Variants in NMBR observed in about 807,000 individuals in gnomAD.
NMBR encodes neuromedin-B receptor.
Under a neutral mutation model 20.5 loss-of-function variants are expected in NMBR, and 16 were observed. The observed-to-expected ratio is 0.78, with a 90% CI of 0.53 to 1.19. NMBR has a LOEUF of 1.19. NMBR is among the 50% of genes most tolerant of loss of function. The probability of loss-of-function intolerance (pLI) is 0.00; values close to 1 mark genes in which losing one functional copy is unlikely to be tolerated. For missense variants in NMBR, 582 were observed against 499.1 expected, an observed-to-expected ratio of 1.17 and a Z score of -1.58; for synonymous variants, 212 against 196.6, an observed-to-expected ratio of 1.08 and a Z score of -0.65.
intron 1 of NMBR, among the ~76,000 whole-genome samples, chr6:142,098,947 GA>G: frequency 6.6e-6 from 1 of 152,236 alleles, no homozygotes; most frequent in Non-Finnish European, 1.5e-5. Context: ...GGATATTAAT[GA>G]AAGAATAGAC....
chr6:142,082,453 A>G (rs1449595215), intron 2 of NMBR, among the ~76,000 whole-genome samples: 1 of 152,206 alleles, frequency 6.6e-6, no homozygotes, highest in Admixed American at 6.5e-5. Flanking sequence ...GTCTAATCTA[A>G]TGATGCCTAA....
In NMBR at chr6:142,088,334, A is replaced by T. The variant is rs147300407; in HGVS notation, c.325T>A (p.Trp109Arg). ...TTGCAGCCCACCTTGCCAAACATCC[A>T]CTCGTCGAAGAAGTAGCGCGAGGCG... The part of the protein sequence containing the change: ...VDASRYFFDE[W>R]MFGKVGCKLI... The change falls in exon 2 of 4, where the codon TGG (tryptophan) becomes AGG (arginine). Residue 109 changes from tryptophan (W) to arginine (R), a missense_variant. Transcript: ENST00000258042. The T allele has an allele frequency of 9.0e-5, 146 of 1,614,112 alleles. No homozygotes were observed. In the African/African-American group the frequency reaches 1.7e-3, roughly 19 times the overall value.
chr6:142,075,674 T>C lies in NMBR; in HGVS notation c.1147A>G (p.Ser383Gly). ...VTNSVLLNGH[S>G]MKQEMAL The stretch of plus-strand genomic sequence containing the variant: ...CACAGTGCCATTTCCTGCTTCATGC[T>C]GTGCCCATTTAGTAAAACAGAATTG... Residue 383 changes from serine to glycine, a missense_variant, in exon 4 of 4, where the codon AGC (serine) becomes GGC (glycine). By Grantham distance (56) the Ser-to-Gly change is moderately conservative (BLOSUM62 0). Coordinates refer to ENST00000258042, the MANE Select transcript of NMBR (RefSeq NM_002511.4). 2 of 1,612,744 alleles carry C rather than the reference T, an allele frequency of 1.2e-6. No homozygotes were observed. Among genetic ancestry groups the C allele is most frequent in the African/African-American group, 1.3e-5 (1 of 75,032 alleles).
chr6:142,109,557 G>A (rs1285860881), intron 1 of NMBR, among the ~76,000 whole-genome samples: 7 of 138,138 alleles, frequency 5.1e-5, no homozygotes, highest in Admixed American at 8.0e-5. Context: ...TCTGCTCACT[G>A]CAACCTCTGC....
At chr6:142,133,394 T>C (rs563908967) in intron 1 of NMBR, among the ~76,000 whole-genome samples, 17 of 152,296 alleles carry the variant, frequency 1.1e-4, no homozygotes, top group African/African-American at 4.1e-4. Context: ...GTTGGTGTTT[T>C]AGTGTGGCTC....
chr6:142,138,761 G>GC (rs1562249238), intron 1 of NMBR, among the ~76,000 whole-genome samples: 1 of 152,074 alleles, frequency 6.6e-6, no homozygotes. Flanking sequence ...CTGCAACTTT[G>GC]CAAGGCTGGT....
intron 1 of NMBR, among the ~76,000 whole-genome samples, chr6:142,096,248 G>A (rs1245122855): frequency 1.3e-5 from 2 of 152,032 alleles, no homozygotes; most frequent in African/African-American, 4.8e-5. Context: ...TGATGTTAGG[G>A]TGTCAATTTT....
chr6:142,079,126 G>GAAAAAGAAAGAAAGAAAGAAAGA (rs11451074), intron 2 of NMBR, among the ~76,000 whole-genome samples: 2 of 103,326 alleles, frequency 1.9e-5, no homozygotes, highest in African/African-American at 9.0e-5. Context: ...AAGAAAGAAA[G>GAAAAAGAAAGAAAGAAAGAAAGA]AAGAAAGAAA....
intron 1 of NMBR, among the ~76,000 whole-genome samples, chr6:142,146,022 C>G (rs544141263): frequency 6.6e-6 from 1 of 152,310 alleles, no homozygotes; most frequent in East Asian, 1.9e-4. Context: ...ACCAATCTAG[C>G]AACTTTTGAC....
At chr6:142,095,065 G>A (rs1337578319) in intron 1 of NMBR, among the ~76,000 whole-genome samples, 1 of 151,994 alleles carries the variant, frequency 6.6e-6, no homozygotes, top group African/African-American at 2.4e-5. Flanking sequence ...GAGACAATGG[G>A]GTTTTCTAGA....
chr6:142,111,864 C>T (rs1777769210), intron 1 of NMBR, among the ~76,000 whole-genome samples: 1 of 152,172 alleles, frequency 6.6e-6, no homozygotes, highest in African/African-American at 2.4e-5. Context: ...ACCATCAGGG[C>T]ACTCCCCAAC....
chr6:142,124,943 T>TAA (rs1372042897), intron 1 of NMBR, among the ~76,000 whole-genome samples: 1 of 151,886 alleles, frequency 6.6e-6, no homozygotes, highest in African/African-American at 2.4e-5. Context: ...CCCAGAAGGT[T>TAA]AAATCATTTG....
At chr6:142,103,007 C>T (rs1777593532) in intron 1 of NMBR, among the ~76,000 whole-genome samples, 1 of 152,172 alleles carries the variant, frequency 6.6e-6, no homozygotes, top group Non-Finnish European at 1.5e-5. Flanking sequence ...GGAGGAACTT[C>T]CTTGGTTAGC....
Position 142,138,041 on chromosome 6 carries a change from AG to A in NMBR, c.-664+9002del, listed in dbSNP as rs1231880514. Among the ~76,000 whole-genome samples the A allele has an allele frequency of 3.0e-4, 46 of 152,204 alleles. 1 individual carries two copies. In the Middle Eastern group the frequency reaches 0.014, roughly 45 times the overall value. ...AACTATAACTTCTATATTTATCAAA[AG>A]GGAACACTGTGTTTATATTAAGTTA... On this transcript the variant is annotated intron_variant, in intron 1 of 3. Coordinates refer to ENST00000258042, the MANE Select transcript of NMBR (RefSeq NM_002511.4).
intron 1 of NMBR, among the ~76,000 whole-genome samples, chr6:142,111,694 A>G (rs974812659): frequency 6.6e-6 from 1 of 152,228 alleles, no homozygotes; most frequent in Non-Finnish European, 1.5e-5. Context: ...TGAATAGTGA[A>G]AAACTTAGGC....
chr6:142,109,348 A>G (rs1562241339), intron 1 of NMBR, among the ~76,000 whole-genome samples: 1 of 152,184 alleles, frequency 6.6e-6, no homozygotes, highest in Non-Finnish European at 1.5e-5. Context: ...TCGAGGATAT[A>G]AGGTCAGAAG....
intron 1 of NMBR, among the ~76,000 whole-genome samples, chr6:142,127,592 TTAA>T (rs1310137988): frequency 1.3e-5 from 2 of 152,026 alleles, no homozygotes; most frequent in African/African-American, 4.8e-5. Context: ...TGTGGACACT[TTAA>T]TAATATTAAT....
chr6:142,078,354 A>C (rs2114553222), intron 3 of NMBR, among the ~76,000 whole-genome samples: 1 of 152,352 alleles, frequency 6.6e-6, no homozygotes, highest in African/African-American at 2.4e-5. Flanking sequence ...CAGATAAATG[A>C]TAAACTGAAC....
At chr6:142,087,531 C>T (rs1777221580) in intron 2 of NMBR, among the ~76,000 whole-genome samples, 1 of 152,078 alleles carries the variant, frequency 6.6e-6, no homozygotes, top group African/African-American at 2.4e-5. Flanking sequence ...CAGAGTTGAA[C>T]TAGTTGATGT....
Sources: gnomAD v4.1 joint callset for allele counts (sites outside exome capture counted in the v4.1 genomes callset) on GRCh38, gnomAD v4.1.1 for gene constraint, MANE v1.5 for transcripts, NCBI Gene and HGNC (gene_info 2026-07-23, HGNC 2026-07-21) for gene names.